GNG4: variants seen among roughly 807,000 people sequenced by gnomAD.
The protein encoded by GNG4 is G protein subunit gamma 4.
Under a neutral mutation model 5.8 loss-of-function variants are expected in GNG4, and 4 were observed. That is an observed-to-expected ratio of 0.69 (90% confidence interval 0.34 to 1.57). The LOEUF is 1.57. Ranked by LOEUF, GNG4 falls within the 40% of genes most tolerant of loss-of-function variation. GNG4 has a pLI of 0.06. For synonymous variants in GNG4, 29 were observed against 32.9 expected (o/e 0.88, Z 0.41); for missense variants, 96 against 95.1 (o/e 1.01, Z -0.04).
At chr1:235,605,777 C>A (rs534888862) in intron 1 of GNG4, among the ~76,000 whole-genome samples, 2 of 151,782 alleles carry the variant, frequency 1.3e-5, no homozygotes, top group Non-Finnish European at 2.9e-5. Context: ...TTCAGGAAAC[C>A]CTGGGTGGTC....
chr1:235,603,244 A>G (rs1455189457), intron 1 of GNG4, among the ~76,000 whole-genome samples: 1 of 131,968 alleles, frequency 7.6e-6, no homozygotes, highest in East Asian at 2.0e-4. Context: ...ACTCTATCTC[A>G]ATAATGATAA....
intron 2 of GNG4, among the ~76,000 whole-genome samples, chr1:235,593,716 T>C (rs1469150106): frequency 1.3e-5 from 2 of 152,172 alleles, no homozygotes; most frequent in East Asian, 3.9e-4. Flanking sequence ...GCTGCAGAGC[T>C]TCACGGTGAG....
chr1:235,572,217 A>T (rs1017380879), intron 3 of GNG4, among the ~76,000 whole-genome samples: 1 of 151,902 alleles, frequency 6.6e-6, no homozygotes, highest in African/African-American at 2.4e-5. Flanking sequence ...ACAGTACTAG[A>T]TATCTTTTTT....
rs544160346 is a variant in GNG4, at chr1:235,645,092, T to C, written c.-123+4570A>G. 7.2e-5 allele frequency among the ~76,000 whole-genome samples: 11 copies of C among 152,312 alleles called. No homozygotes were observed. The South Asian group carries it at 2.3e-3, about 32-fold the overall frequency. The stretch of plus-strand genomic sequence containing the variant: ...GCCTGCAAAGCCAGGCTGCCTGTAC[T>C]GCTGCCTGACCTCTGGCCTCTGGCC... On this transcript the variant is annotated intron_variant, in intron 1 of 3. Coordinates refer to ENST00000391854, the MANE Select transcript of GNG4 (RefSeq NM_001098722.2).
At chr1:235,616,211 C>A in intron 1 of GNG4, 1 of 521,324 alleles carries the variant, frequency 1.9e-6, no homozygotes, top group Non-Finnish European at 3.8e-6. Context: ...AATTTTTGTG[C>A]TGGTTGGAGG....
intron 1 of GNG4, among the ~76,000 whole-genome samples, chr1:235,608,087 G>A (rs1006892139): frequency 2.6e-5 from 4 of 152,094 alleles, no homozygotes; most frequent in African/African-American, 4.8e-5. Context: ...ACAGGCGCAC[G>A]CCACCATGCC....
At chr1:235,559,747 C>G (rs1274205188) in intron 3 of GNG4, among the ~76,000 whole-genome samples, 1 of 152,274 alleles carries the variant, frequency 6.6e-6, no homozygotes, top group East Asian at 1.9e-4. Flanking sequence ...GTCTCTGAAC[C>G]CTTAAGTCAA....
At chr1:235,622,626 A>G (rs1011055999) in intron 1 of GNG4, among the ~76,000 whole-genome samples, 2 of 151,962 alleles carry the variant, frequency 1.3e-5, no homozygotes, top group African/African-American at 4.8e-5. Context: ...TGGGAGGCCG[A>G]GGCGGGTGGA....
intron 1 of GNG4, among the ~76,000 whole-genome samples, chr1:235,638,757 T>G (rs1039037694): frequency 6.6e-6 from 1 of 152,138 alleles, no homozygotes; most frequent in African/African-American, 2.4e-5. Flanking sequence ...CATGCGATGT[T>G]TGGTTTTCTG....
rs1239052118 is a variant in GNG4 at position 235,642,847 on chromosome 1, GC to G, written c.-123+6814del. Reference sequence around the variant, plus strand: ...CCTCTGCTCAGCTCTGCACGTACATGCCCCCTCGATGTCACCTCCTGACTTG... The same window carrying G: ...CCTCTGCTCAGCTCTGCACGTACATGCCCCTCGATGTCACCTCCTGACTTG... On this transcript the variant is annotated intron_variant, in intron 1 of 3. Coordinates refer to ENST00000391854, the MANE Select transcript of GNG4 (RefSeq NM_001098722.2). The surrounding 1 kb of genome is among the most constrained non-coding windows in gnomAD (Gnocchi z 4.3). Among the ~76,000 whole-genome samples the G allele has an allele frequency of 6.6e-6, 1 of 152,066 alleles. No homozygotes were observed. The highest frequency in any genetic ancestry group is 6.6e-5 in the Admixed American group (1 of 15,262).
chr1:235,587,556 G>GAGCA (rs1687826647), intron 2 of GNG4, among the ~76,000 whole-genome samples: 3 of 112,982 alleles, frequency 2.7e-5, no homozygotes, highest in Non-Finnish European at 1.8e-5. Context: ...GGTTGGGGTT[G>GAGCA]TGAATGTGGG....
At chr1:235,611,246 C>A (rs947162445) in intron 1 of GNG4, among the ~76,000 whole-genome samples, 1 of 151,706 alleles carries the variant, frequency 6.6e-6, no homozygotes, top group Non-Finnish European at 1.5e-5. Context: ...TGGCTCACTG[C>A]AGCCTCAACT....
In GNG4 at chr1:235,583,726, G is replaced by A. The variant is rs1333300696; in HGVS notation, c.99+14C>T. On this transcript the variant is annotated intron_variant, in intron 3 of 3. Coordinates refer to ENST00000391854, the MANE Select transcript of GNG4 (RefSeq NM_001098722.2). ...GCTTCGGGCGGAGGGTGGGGCTGAC[G>A]CATGCATGCTTACCTTGACCCTGTC... The A allele has an allele frequency of 4.6e-6, 7 of 1,537,584 alleles. No homozygotes were observed. The highest frequency in any genetic ancestry group is 4.1e-5 in the African/African-American group (3 of 73,520).
chr1:235,633,002 C>T lies in GNG4; in HGVS notation c.-123+16660G>A, dbSNP rs910491876. Among the ~76,000 whole-genome samples the T allele has an allele frequency of 1.8e-4, 27 of 152,212 alleles. 2 individuals are homozygous for T. Among genetic ancestry groups the T allele is most frequent in the Admixed American group, 1.4e-3 (21 of 15,284 alleles). ...TCCATACATTCAAAGGATCTCTCTACGGTGGTTATTCAGACCTTGCAGACA... is the reference window on the plus strand; with the variant it reads ...TCCATACATTCAAAGGATCTCTCTATGGTGGTTATTCAGACCTTGCAGACA... On this transcript the variant is annotated intron_variant, in intron 1 of 3. Transcript: ENST00000391854.
intron 1 of GNG4, among the ~76,000 whole-genome samples, chr1:235,635,184 G>A (rs1472248772): frequency 1.3e-5 from 2 of 152,064 alleles, no homozygotes; most frequent in Non-Finnish European, 2.9e-5. Flanking sequence ...TCAGACAAAC[G>A]CAGTCTCTTA....
chr1:235,559,555 A>C (rs753673735), intron 3 of GNG4, among the ~76,000 whole-genome samples: 7 of 152,164 alleles, frequency 4.6e-5, no homozygotes, highest in Non-Finnish European at 7.3e-5. Context: ...ATTCCTGGTC[A>C]GTGTGGGCAA....
At chr1:235,645,797 C>CAAAAAAAAAAAAAAAAAAAA (rs6143682) in intron 1 of GNG4, among the ~76,000 whole-genome samples, 2 of 90,384 alleles carry the variant, frequency 2.2e-5, no homozygotes, top group African/African-American at 8.2e-5. Flanking sequence ...AACTCAGTCT[C>CAAAAAAAAAAAAAAAAAAAA]AAAAAAAAAA....
rs147164154 is a variant in GNG4, at chr1:235,598,024, C to T, written c.-122-2513G>A. Among the ~76,000 whole-genome samples, 488 of 152,212 alleles carry T rather than the reference C, an allele frequency of 3.2e-3. 6 individuals are homozygous for T. The East Asian group carries it at 0.054, about 17-fold the overall frequency. On this transcript the variant is annotated intron_variant, in intron 1 of 3. Transcript: ENST00000391854. ...ACTGGCTTCCCTGACTCTGGCTACCCAAGACCCCACCCAGAGGGCTGAGGT... is the reference window on the plus strand; with the variant it reads ...ACTGGCTTCCCTGACTCTGGCTACCTAAGACCCCACCCAGAGGGCTGAGGT...
chr1:235,624,794 A>T (rs1302344010), intron 1 of GNG4, among the ~76,000 whole-genome samples: 1 of 152,068 alleles, frequency 6.6e-6, no homozygotes, highest in Non-Finnish European at 1.5e-5. Context: ...CTCCACTACC[A>T]TTTCCTCTCC....
Sources: gnomAD v4.1 joint callset for allele counts (sites outside exome capture counted in the v4.1 genomes callset) on GRCh38, gnomAD v4.1.1 for gene constraint, Gnocchi (gnomAD v3.1) non-coding constraint, MANE v1.5 for transcripts, NCBI Gene and HGNC (gene_info 2026-07-23, HGNC 2026-07-21) for gene names.